ABI3BP: variants seen among roughly 807,000 people sequenced by gnomAD.
ABI3BP encodes the protein target of Nesh-SH3.
ABI3BP carries 216 observed loss-of-function variants against 268.6 expected under a neutral mutation model. That is an observed-to-expected ratio of 0.80 (90% CI 0.72 to 0.90). The LOEUF (loss-of-function observed/expected upper bound fraction) is 0.90. ABI3BP is among the 40% of genes least tolerant of loss of function. The pLI, the probability that ABI3BP is intolerant of heterozygous loss-of-function variation, is 0.00. For missense variants in ABI3BP, 2,090 were observed against 2,182.4 expected (o/e 0.96, Z 0.84); for synonymous variants, 730 against 730.0 (o/e 1.00, Z 0.00).
intron 14 of ABI3BP, among the ~76,000 whole-genome samples, chr3:100,858,137 T>G (rs1162963196): frequency 6.6e-6 from 1 of 152,270 alleles, no homozygotes; most frequent in Non-Finnish European, 1.5e-5. Context: ...CAACTTCCTC[T>G]AGATACAAAA....
intron 33 of ABI3BP, among the ~76,000 whole-genome samples, chr3:100,829,139 T>TAA (rs201153906): frequency 2.3e-5 from 3 of 127,690 alleles, no homozygotes; most frequent in Non-Finnish European, 3.1e-5. Flanking sequence ...TAAGTGGTTG[T>TAA]TAAAAAAAAA....
chr3:100,897,405 A>G (rs186093829), intron 4 of ABI3BP, among the ~76,000 whole-genome samples: 39 of 152,314 alleles, frequency 2.6e-4, no homozygotes, highest in Admixed American at 1.1e-3. Flanking sequence ...TATACATAAA[A>G]AAAAACAACA....
intron 6 of ABI3BP, among the ~76,000 whole-genome samples, chr3:100,882,291 T>C (rs2039700662): frequency 6.6e-6 from 1 of 152,084 alleles, no homozygotes; most frequent in South Asian, 2.1e-4. Flanking sequence ...TACACTTCTT[T>C]GGACTAAAAT....
chr3:100,812,569 A>G, intron 45 of ABI3BP, 46 bp from the exon 46 acceptor site: 1 of 1,225,500 alleles, frequency 8.2e-7, no homozygotes, highest in Non-Finnish European at 1.0e-6. Context: ...GATAGGTTGT[A>G]AGTATTTATA....
At chr3:100,909,850 G>T (rs1583020992) in intron 2 of ABI3BP, among the ~76,000 whole-genome samples, 1 of 152,178 alleles carries the variant, frequency 6.6e-6, no homozygotes, top group East Asian at 1.9e-4. Flanking sequence ...CACTGTGGAA[G>T]ACAGTGTGGC....
intron 23 of ABI3BP, 82 bp downstream of exon 23, chr3:100,839,990 A>C: frequency 8.6e-7 from 1 of 1,167,584 alleles, no homozygotes; most frequent in Non-Finnish European, 1.2e-6. Context: ...CCTAAAGCCC[A>C]GTTGCTCAAG....
rs545336689 is a variant in ABI3BP at position 100,877,565 on chromosome 3, G to A, written c.697-1005C>T. ...TCATAAAGTAGCCTGACCTAGGGAT[G>A]GGTGCAGACTTTAAAGCAGAGTCAT... is the stretch of plus-strand genomic sequence containing the variant. On this transcript the variant is annotated intron_variant, in intron 6 of 67. Coordinates refer to ENST00000471714, the MANE Select transcript of ABI3BP (RefSeq NM_001375547.2). Among the ~76,000 whole-genome samples the A allele has an allele frequency of 2.4e-4, 36 of 152,128 alleles. 1 individual carries two copies. Among genetic ancestry groups the A allele is most frequent in the Non-Finnish European group, 4.0e-4 (27 of 68,034 alleles).
At chr3:100,812,369 G>A (rs972223332) in intron 46 of ABI3BP, 98 bp downstream of exon 46, 1 of 746,978 alleles carries the variant, frequency 1.3e-6, no homozygotes, top group Non-Finnish European at 1.9e-6. Context: ...GGAGCAAGTG[G>A]CTATGAAATG....
At chr3:100,968,079 C>T (rs1053498025) in intron 1 of ABI3BP, among the ~76,000 whole-genome samples, 2 of 152,086 alleles carry the variant, frequency 1.3e-5, no homozygotes, top group African/African-American at 2.4e-5. Flanking sequence ...ATGGACGAGC[C>T]TGGGGAGTTC....
chr3:100,918,018 T>C (rs557192977), intron 2 of ABI3BP, among the ~76,000 whole-genome samples: 2 of 152,224 alleles, frequency 1.3e-5, no homozygotes, highest in African/African-American at 4.8e-5. Flanking sequence ...GCTGAAGTTC[T>C]GGTAAATTTT....
intron 20 of ABI3BP, 60 bp downstream of exon 20, chr3:100,846,312 T>G (rs755665551): frequency 7.1e-5 from 81 of 1,133,952 alleles, no homozygotes; most frequent in Non-Finnish European, 9.9e-5. Flanking sequence ...TCCAAATAAT[T>G]GCAAAGAACT....
At chr3:100,764,595 A>G (rs2096173449) in intron 63 of ABI3BP, among the ~76,000 whole-genome samples, 2 of 152,258 alleles carry the variant, frequency 1.3e-5, no homozygotes, top group South Asian at 2.1e-4. Context: ...ATGCCTTTCA[A>G]TGACTGTCTT....
In ABI3BP at chr3:100,749,612, A is replaced by G. The variant is rs1210746522; in HGVS notation, c.*883T>C. On this transcript the variant is annotated 3_prime_UTR_variant, in exon 68 of 68. Transcript: ENST00000471714. ...CATTCATTCATAGAGGTCTTAACGT[A>G]TAAATACATAGTAAATATCCTATAA... 7.6e-6 allele frequency: 3 copies of G among 396,684 alleles called. No homozygotes were observed. In the Admixed American group the frequency reaches 1.3e-4, roughly 18 times the overall value. 24.6% of individuals were successfully genotyped at this position (396,684 alleles called of 1,614,324 possible).
chr3:100,861,317 T>C (rs1209889732), intron 14 of ABI3BP, among the ~76,000 whole-genome samples: 2 of 152,156 alleles, frequency 1.3e-5, no homozygotes, highest in African/African-American at 4.8e-5. Flanking sequence ...CCAAGATCTG[T>C]GGGGGCTCAT....
At chr3:100,790,167 A>G (rs1405545935) in intron 55 of ABI3BP, among the ~76,000 whole-genome samples, 2 of 151,998 alleles carry the variant, frequency 1.3e-5, no homozygotes, top group Non-Finnish European at 2.9e-5. Context: ...CAGGACCTGC[A>G]CAGAAAGGCA....
At chr3:100,779,604 A>ACT (rs138554435) in intron 58 of ABI3BP, among the ~76,000 whole-genome samples, 6,051 of 135,452 alleles carry the variant, frequency 0.045, 262 homozygotes, top group African/African-American at 0.13. Flanking sequence ...TAAGAGAAAG[A>ACT]CTCTCTCTCT....
At chr3:100,911,209 T>A (rs906336931) in intron 2 of ABI3BP, 55 of 386,914 alleles carry the variant, frequency 1.4e-4, no homozygotes, top group African/African-American at 1.0e-3. Flanking sequence ...AATGTCAGTG[T>A]GTTCTACCAT....
At chr3:100,950,264 C>A (rs1196987749) in intron 1 of ABI3BP, among the ~76,000 whole-genome samples, 1 of 152,096 alleles carries the variant, frequency 6.6e-6, no homozygotes, top group African/African-American at 2.4e-5. Context: ...AATGAATGAA[C>A]AAACACATAC....
At chr3:100,898,698 C>A in intron 4 of ABI3BP, 64 bp downstream of exon 4, 1 of 1,542,206 alleles carries the variant, frequency 6.5e-7, no homozygotes, top group South Asian at 1.2e-5. Flanking sequence ...TGCTAACAGT[C>A]CTGATACTTA....
Sources: gnomAD v4.1 joint callset for allele counts (sites outside exome capture counted in the v4.1 genomes callset) on GRCh38, gnomAD v4.1.1 for gene constraint, MANE v1.5 for transcripts, NCBI Gene and HGNC (gene_info 2026-07-23, HGNC 2026-07-21) for gene names.